ZNF560: variants seen among roughly 807,000 people sequenced by gnomAD.
ZNF560 encodes the protein zinc finger protein 560.
ZNF560 carries 54 observed loss-of-function variants against 81.8 expected under a neutral mutation model. The observed-to-expected ratio is 0.66, with a 90% CI of 0.53 to 0.83. The LOEUF (loss-of-function observed/expected upper bound fraction) is 0.83. Ranked by LOEUF, ZNF560 falls within the 40% of genes least tolerant of loss-of-function variation. The pLI, the probability that ZNF560 is intolerant of heterozygous loss-of-function variation, is 0.00. For missense variants in ZNF560, 940 were observed against 932.4 expected, an observed-to-expected ratio of 1.01 and a Z score of -0.11; for synonymous variants, 321 against 317.9, an observed-to-expected ratio of 1.01 and a Z score of -0.10.
chr19:9,455,790 A>G, the ZNF560 span, among the ~76,000 whole-genome samples: 1 of 152,194 alleles, frequency 6.6e-6, no homozygotes, highest in Admixed American at 6.5e-5. Context: ...GGCCTGTGAC[A>G]GTATTGGAGG....
intron 2 of ZNF560, among the ~76,000 whole-genome samples, chr19:9,485,509 G>GA (rs36106807): frequency 0.16 from 20,205 of 127,210 alleles, 2,186 homozygotes; most frequent in African/African-American, 0.33. Flanking sequence ...TACATCTCAA[G>GA]AAAAAAAAAA....
the ZNF560 span, among the ~76,000 whole-genome samples, chr19:9,456,618 C>T: frequency 6.6e-6 from 1 of 152,170 alleles, no homozygotes; most frequent in African/African-American, 2.4e-5. Flanking sequence ...ACATTTCAAT[C>T]ATATCTCTAC....
chr19:9,488,967 A>G (rs1263403844), intron 2 of ZNF560, among the ~76,000 whole-genome samples: 1 of 152,122 alleles, frequency 6.6e-6, no homozygotes, highest in African/African-American at 2.4e-5. Context: ...CCTGCCATAT[A>G]AGATGTACCT....
chr19:9,462,430 C>T (rs1479847274), downstream of ZNF560, among the ~76,000 whole-genome samples: 1 of 152,148 alleles, frequency 6.6e-6, no homozygotes, highest in Non-Finnish European at 1.5e-5. Flanking sequence ...ACTACAGAAA[C>T]GATGTTTATC....
chr19:9,459,973 C>T, the ZNF560 span, among the ~76,000 whole-genome samples: 2 of 148,550 alleles, frequency 1.3e-5, no homozygotes, highest in East Asian at 1.9e-4. Context: ...CCTGCCTCAG[C>T]CCTTCTACCG....
At position 9,466,763 on chromosome 19, in the gene ZNF560, A is replaced by G. The variant is rs1473227388; in HGVS notation, c.2184T>C (p.Thr728=). The part of the protein sequence containing the change: ...GKAFTCHSDL[T]NHVRIHTGEK... ...CTCCAGTGTGAATTCGCACATGATT[A>G]GTAAGATCTGAATGACAAGTGAAGG... Residue 728 remains threonine (T), a synonymous_variant, in exon 10 of 10, where the codon ACT becomes ACC. Coordinates refer to ENST00000301480, the MANE Select transcript of ZNF560 (RefSeq NM_152476.3). 1.9e-6 allele frequency: 3 copies of G among 1,614,168 alleles called. No individual in the cohort carries two copies. Among genetic ancestry groups the G allele is most frequent in the South Asian group, 2.2e-5 (2 of 91,084 alleles).
Position 9,469,100 on chromosome 19 carries a change from CT to C in ZNF560, c.612+4del. On this transcript the variant is annotated splice_donor_region_variant and intron_variant, in intron 9 of 9. Coordinates refer to ENST00000301480, the MANE Select transcript of ZNF560 (RefSeq NM_152476.3). The stretch of plus-strand genomic sequence containing the variant: ...AAAATAAGAAAGTTCTTTTGTTAAT[CT>C]TACCAACTGTATCCCATTTAATGTT... The C allele has an allele frequency of 6.3e-7, 1 of 1,579,064 alleles. No homozygotes were observed. The highest frequency in any genetic ancestry group is 8.6e-7 in the Non-Finnish European group (1 of 1,161,608).
chr19:9,505,285 TAA>T, the ZNF560 span, among the ~76,000 whole-genome samples: 1 of 152,228 alleles, frequency 6.6e-6, no homozygotes, highest in Non-Finnish European at 1.5e-5. Context: ...TTGTATATTA[TAA>T]AGTCTTTTAC....
At chr19:9,495,752 A>C (rs2073548074) in intron 2 of ZNF560, among the ~76,000 whole-genome samples, 1 of 152,164 alleles carries the variant, frequency 6.6e-6, no homozygotes, top group African/African-American at 2.4e-5. Context: ...AAAGAACACT[A>C]TACTTCTGAA....
At chr19:9,486,721 CAA>C (rs2073389509) in intron 2 of ZNF560, among the ~76,000 whole-genome samples, 1 of 142,716 alleles carries the variant, frequency 7.0e-6, no homozygotes, top group Non-Finnish European at 1.5e-5. Flanking sequence ...GCCTGGGTAA[CAA>C]GAGTGAGACT....
At chr19:9,458,180 T>C in the ZNF560 span, among the ~76,000 whole-genome samples, 5 of 152,226 alleles carry the variant, frequency 3.3e-5, no homozygotes, top group Admixed American at 3.3e-4. Context: ...AAGACACAAA[T>C]ACAGCAAGCT....
In ZNF560 at chr19:9,477,664, T is replaced by C. The variant is rs1295012446; in HGVS notation, c.-56-2295A>G. Reference sequence around the variant, plus strand: ...GACTCTGCCCCTTATATTGACTATTTGATGGGTCTTCTCAGAAAATCACCT... The same window carrying C: ...GACTCTGCCCCTTATATTGACTATTCGATGGGTCTTCTCAGAAAATCACCT... On this transcript the variant is annotated intron_variant, in intron 2 of 9. Transcript: ENST00000301480. 2.6e-5 allele frequency among the ~76,000 whole-genome samples: 4 copies of C among 152,350 alleles called. No individual in the cohort carries two copies. In the East Asian group the frequency reaches 7.7e-4, roughly 29 times the overall value.
At chr19:9,492,830 A>G (rs1176388048) in intron 2 of ZNF560, among the ~76,000 whole-genome samples, 1 of 152,132 alleles carries the variant, frequency 6.6e-6, no homozygotes, top group African/African-American at 2.4e-5. Flanking sequence ...TAAGACAAAA[A>G]TTTTGCTTCC....
At chr19:9,475,487 A>G (rs1281664451) in intron 2 of ZNF560, 118 bp from the exon 3 acceptor site, 2 of 612,492 alleles carry the variant, frequency 3.3e-6, no homozygotes, top group African/African-American at 1.9e-5. Context: ...ACTCACATAA[A>G]TATACATTAC....
At chr19:9,459,402 A>G in the ZNF560 span, among the ~76,000 whole-genome samples, 5 of 152,214 alleles carry the variant, frequency 3.3e-5, no homozygotes, top group African/African-American at 1.2e-4. Context: ...AAATAATAAC[A>G]TGGGGCAGAG....
At chr19:9,470,616 T>C (rs1245721861) in intron 6 of ZNF560, 98 bp from the exon 7 acceptor site, 7 of 1,555,496 alleles carry the variant, frequency 4.5e-6, no homozygotes, top group Non-Finnish European at 4.4e-6. Flanking sequence ...TACAGGGTAC[T>C]GAGTGCTCCC....
At chr19:9,468,986 C>T in intron 9 of ZNF560, 119 bp downstream of exon 9, 1 of 756,434 alleles carries the variant, frequency 1.3e-6, no homozygotes, top group Non-Finnish European at 2.1e-6. Flanking sequence ...CCTCAGCCTC[C>T]CAAAGTGCTG....
intron 5 of ZNF560, among the ~76,000 whole-genome samples, chr19:9,472,265 G>A: frequency 6.6e-6 from 1 of 152,150 alleles, no homozygotes; most frequent in East Asian, 1.9e-4. Context: ...ATGGCTTAGT[G>A]ACATACTCGG....
At chr19:9,493,314 A>C (rs1219514467) in intron 2 of ZNF560, among the ~76,000 whole-genome samples, 1 of 152,228 alleles carries the variant, frequency 6.6e-6, no homozygotes, top group African/African-American at 2.4e-5. Flanking sequence ...GATAGCAACT[A>C]TAACTTCAAG....
Sources: allele counts gnomAD v4.1 joint callset (sites outside exome capture counted in the v4.1 genomes callset), GRCh38; gene constraint gnomAD v4.1.1; transcripts MANE v1.5; gene names NCBI Gene and HGNC (gene_info 2026-07-23, HGNC 2026-07-21).